DLC1: variants seen among roughly 807,000 people sequenced by gnomAD.
The protein encoded by DLC1 is DLC1 Rho GTPase activating protein, also known as rho GTPase-activating protein 7.
A neutral mutation model predicts 140.3 loss-of-function variants in DLC1; 54 were observed. The ratio of observed to expected loss-of-function variants is 0.38; its 90% CI spans 0.31 to 0.48. DLC1 has a LOEUF of 0.48. Ranked by LOEUF, DLC1 falls within the 20% of genes least tolerant of loss-of-function variation. The probability of loss-of-function intolerance (pLI) is 0.96; values close to 1 mark genes in which losing one functional copy is unlikely to be tolerated. For missense variants in DLC1, 2,536 were observed against 1,907.0 expected (o/e 1.33, Z -6.14); for synonymous variants, 986 against 728.1 (o/e 1.35, Z -5.70).
At chr8:13,460,300 C>T (rs900093594) in intron 2 of DLC1, among the ~76,000 whole-genome samples, 34 of 152,218 alleles carry the variant, frequency 2.2e-4, no homozygotes, top group Admixed American at 2.0e-4. Context: ...TTTCATCTCC[C>T]ATGGCTCCTT....
At chr8:13,402,435 G>A (rs1371241056) in intron 2 of DLC1, among the ~76,000 whole-genome samples, 1 of 152,142 alleles carries the variant, frequency 6.6e-6, no homozygotes, top group Non-Finnish European at 1.5e-5. Flanking sequence ...CAAGGTATTA[G>A]GATGGGGTAC....
chr8:13,238,405 G>T (rs1472582158), intron 5 of DLC1, among the ~76,000 whole-genome samples: 1 of 152,000 alleles, frequency 6.6e-6, no homozygotes, highest in African/African-American at 2.4e-5. Flanking sequence ...CCCAGCTACA[G>T]GGGGAGGTGA....
At chr8:13,155,151 C>A (rs112122317) in intron 5 of DLC1, among the ~76,000 whole-genome samples, 40 of 147,820 alleles carry the variant, frequency 2.7e-4, no homozygotes, top group African/African-American at 9.4e-4. Flanking sequence ...TTTTTTAAAG[C>A]GAATGTCTCC....
intron 3 of DLC1, among the ~76,000 whole-genome samples, chr8:13,400,136 T>A (rs73553435): frequency 1.8e-3 from 273 of 152,304 alleles, no homozygotes; most frequent in African/African-American, 6.5e-3. Flanking sequence ...AGAGGTGACC[T>A]AGAATATCAT....
chr8:13,488,091 T>A (rs1801051842), intron 2 of DLC1, among the ~76,000 whole-genome samples: 1 of 152,210 alleles, frequency 6.6e-6, no homozygotes, highest in Non-Finnish European at 1.5e-5. Context: ...GAAAGAGGAA[T>A]TATTCTCATG....
chr8:13,369,913 TA>T (rs71207148), intron 4 of DLC1, among the ~76,000 whole-genome samples: 50,020 of 141,440 alleles, frequency 0.35, 9,282 homozygotes, highest in South Asian at 0.46. Context: ...ATTTAAAACT[TA>T]AAAAAAAAAA....
chr8:13,567,505 C>T lies in DLC1; in HGVS notation c.-126+37032G>A, dbSNP rs960804987. Reference sequence around the variant, plus strand: ...CTTTAGTTGTACTGTACCCGATGAACTTTTGAACAGAATCTACTTTAAAAA... The same window carrying T: ...CTTTAGTTGTACTGTACCCGATGAATTTTTGAACAGAATCTACTTTAAAAA... On this transcript the variant is annotated intron_variant, in intron 1 of 1. Transcript: ENST00000631382. 2.6e-6 allele frequency: 4 copies of T among 1,551,936 alleles called. No homozygotes were observed. In the African/African-American group the frequency reaches 4.1e-5, roughly 16 times the overall value.
At chr8:13,439,120 T>C (rs2116911768) in intron 2 of DLC1, among the ~76,000 whole-genome samples, 1 of 151,964 alleles carries the variant, frequency 6.6e-6, no homozygotes, top group East Asian at 1.9e-4. Flanking sequence ...AGGTCAAGAG[T>C]TCGAGACCAT....
intron 4 of DLC1, among the ~76,000 whole-genome samples, chr8:13,391,363 G>A (rs1261548063): frequency 6.6e-6 from 1 of 152,166 alleles, no homozygotes; most frequent in African/African-American, 2.4e-5. Flanking sequence ...CACCTGAACA[G>A]CTGGATACTA....
intron 5 of DLC1, chr8:13,214,688 A>T (rs1412707304): frequency 1.3e-6 from 1 of 780,634 alleles, no homozygotes; most frequent in Non-Finnish European, 2.4e-6. Flanking sequence ...GTGTAAGGAG[A>T]CAAACCAATT....
intron 1 of DLC1, among the ~76,000 whole-genome samples, chr8:13,529,696 A>G (rs1180642152): frequency 6.6e-6 from 1 of 152,200 alleles, no homozygotes; most frequent in African/African-American, 2.4e-5. Flanking sequence ...AAGCAAATAG[A>G]TAAGAAAAAA....
At chr8:13,301,956 G>T (rs1380307367) in intron 5 of DLC1, among the ~76,000 whole-genome samples, 2 of 152,128 alleles carry the variant, frequency 1.3e-5, no homozygotes, top group African/African-American at 4.8e-5. Flanking sequence ...ACTGGTTCCT[G>T]GTGCCAAAAA....
Position 13,421,363 on chromosome 8 carries a change from T to A in DLC1, c.1024-19744A>T, listed in dbSNP as rs145874891. Among the ~76,000 whole-genome samples the A allele has an allele frequency of 2.2e-3, 335 of 152,246 alleles. 4 individuals carry two copies. Among genetic ancestry groups the A allele is most frequent in the African/African-American group, 7.5e-3 (313 of 41,572 alleles). The stretch of plus-strand genomic sequence containing the variant: ...AGTAGCGTCTATGCACAGAGTAGGA[T>A]TCAAAAATATTTTTAAATTAATTAG... On this transcript the variant is annotated intron_variant, in intron 2 of 17. Coordinates refer to ENST00000276297, the MANE Select transcript of DLC1 (RefSeq NM_182643.3).
intron 2 of DLC1, among the ~76,000 whole-genome samples, chr8:13,444,739 A>G (rs1283540806): frequency 6.6e-6 from 1 of 152,204 alleles, no homozygotes; most frequent in Non-Finnish European, 1.5e-5. Context: ...ATAGAAGCAA[A>G]TATCATTCCA....
intron 2 of DLC1, among the ~76,000 whole-genome samples, chr8:13,481,850 C>T (rs978977730): frequency 2.0e-5 from 3 of 152,056 alleles, no homozygotes; most frequent in African/African-American, 7.2e-5. Flanking sequence ...CAACTGATGT[C>T]CTTAAAAAGG....
chr8:13,497,481 T>C (rs997918798), intron 2 of DLC1, among the ~76,000 whole-genome samples: 2 of 152,198 alleles, frequency 1.3e-5, no homozygotes, highest in African/African-American at 4.8e-5. Flanking sequence ...AAATAGAAAA[T>C]TTAAGTTAGA....
chr8:13,256,812 C>G (rs1475055544), intron 5 of DLC1, among the ~76,000 whole-genome samples: 2 of 146,812 alleles, frequency 1.4e-5, no homozygotes, highest in Non-Finnish European at 3.0e-5. Flanking sequence ...ATGGGTGCAG[C>G]AAACCACCAT....
At chr8:13,545,155 A>G (rs960556011) in intron 1 of DLC1, among the ~76,000 whole-genome samples, 2 of 152,128 alleles carry the variant, frequency 1.3e-5, no homozygotes, top group African/African-American at 4.8e-5. Context: ...ATTTATGAAC[A>G]AAATATTTGA....
intron 5 of DLC1, among the ~76,000 whole-genome samples, chr8:13,298,372 G>A (rs1480107825): frequency 6.6e-6 from 1 of 152,168 alleles, no homozygotes; most frequent in African/African-American, 2.4e-5. Context: ...CCGTTGGGTT[G>A]AGTAGTAGGA....
Sources: gnomAD v4.1 joint callset for allele counts (sites outside exome capture counted in the v4.1 genomes callset) on GRCh38, gnomAD v4.1.1 for gene constraint, MANE v1.5 for transcripts, NCBI Gene and HGNC (gene_info 2026-07-23, HGNC 2026-07-21) for gene names.